AP3B1: variants seen among roughly 807,000 people sequenced by gnomAD.
The protein encoded by AP3B1 is adaptor related protein complex 3 subunit beta 1.
In AP3B1, 61 loss-of-function variants were observed where a neutral mutation model predicts 132.5. The ratio of observed to expected loss-of-function variants is 0.46; its 90% CI spans 0.37 to 0.57. AP3B1 has a LOEUF of 0.57. Ranked by LOEUF, AP3B1 falls within the 20% of genes least tolerant of loss-of-function variation. AP3B1 has a pLI of 0.00. For missense variants in AP3B1, 1,120 were observed against 1,289.4 expected, an observed-to-expected ratio of 0.87 and a Z score of 2.01; for synonymous variants, 388 against 438.3, an observed-to-expected ratio of 0.89 and a Z score of 1.43.
At chr5:78,185,595 C>T (rs1218092559) in intron 7 of AP3B1, among the ~76,000 whole-genome samples, 1 of 152,138 alleles carries the variant, frequency 6.6e-6, no homozygotes, top group Non-Finnish European at 1.5e-5. Flanking sequence ...GAGATATATT[C>T]GTGCTTTGGT....
intron 7 of AP3B1, among the ~76,000 whole-genome samples, chr5:78,187,503 A>T (rs1181040111): frequency 6.6e-6 from 1 of 152,198 alleles, no homozygotes; most frequent in Non-Finnish European, 1.5e-5. Context: ...TGTATTGCTT[A>T]TTTTGCTGTA....
chr5:78,085,757 TG>T (rs1215234648), intron 22 of AP3B1, among the ~76,000 whole-genome samples: 2 of 152,162 alleles, frequency 1.3e-5, no homozygotes, highest in South Asian at 2.1e-4. Flanking sequence ...CTGTTAACCA[TG>T]GTGAACGTGA....
intron 17 of AP3B1, among the ~76,000 whole-genome samples, chr5:78,125,678 A>G (rs1441701424): frequency 1.3e-5 from 2 of 152,210 alleles, no homozygotes; most frequent in Non-Finnish European, 2.9e-5. Flanking sequence ...TGGCATCAAC[A>G]GACAGTGACA....
chr5:78,022,983 C>G (rs1747169074), intron 24 of AP3B1, among the ~76,000 whole-genome samples: 1 of 152,176 alleles, frequency 6.6e-6, no homozygotes, highest in Non-Finnish European at 1.5e-5. Flanking sequence ...CCAGGTGTAT[C>G]TAACTTCAAA....
chr5:78,116,121 C>T lies in AP3B1; in HGVS notation c.2077+5G>A. On this transcript the variant is annotated splice_donor_5th_base_variant and intron_variant, in intron 18 of 26. Transcript: ENST00000255194. Reference sequence around the variant, plus strand: ...TAATATATGCCAATAAATTATAAAACCCACCACTGTCACTGCTACTATCAG... The same window carrying T: ...TAATATATGCCAATAAATTATAAAATCCACCACTGTCACTGCTACTATCAG... The T allele has an allele frequency of 1.9e-6, 3 of 1,598,264 alleles. No homozygotes were observed. Among genetic ancestry groups the T allele is most frequent in the Non-Finnish European group, 1.7e-6 (2 of 1,165,818 alleles).
At chr5:78,179,451 A>C (rs1012772280) in intron 8 of AP3B1, among the ~76,000 whole-genome samples, 2 of 152,198 alleles carry the variant, frequency 1.3e-5, no homozygotes, top group African/African-American at 2.4e-5. Flanking sequence ...CCAACAGTTG[A>C]AAGTCGCTTT....
intron 14 of AP3B1, among the ~76,000 whole-genome samples, chr5:78,142,971 T>C (rs1481960210): frequency 1.3e-5 from 2 of 152,270 alleles, no homozygotes; most frequent in African/African-American, 2.4e-5. Context: ...AGAATAGTAA[T>C]TGAGTGGTAC....
At chr5:78,097,060 T>G (rs1253048211) in intron 21 of AP3B1, among the ~76,000 whole-genome samples, 8 of 61,184 alleles carry the variant, frequency 1.3e-4, no homozygotes, top group Admixed American at 3.7e-4. Flanking sequence ...GGGAGGGAGG[T>G]TGGGGGGTCA....
chr5:78,117,030 T>C (rs10042222), intron 17 of AP3B1, among the ~76,000 whole-genome samples: 37,311 of 151,958 alleles, frequency 0.25, 5,266 homozygotes, highest in Middle Eastern at 0.33. Flanking sequence ...CCCCGTCGCC[T>C]GCCTCTCTCA....
chr5:78,204,690 C>G (rs932304879), intron 7 of AP3B1, among the ~76,000 whole-genome samples: 2 of 152,156 alleles, frequency 1.3e-5, no homozygotes, highest in African/African-American at 4.8e-5. Context: ...AGGCATGTCC[C>G]TTGCATTAGG....
intron 11 of AP3B1, among the ~76,000 whole-genome samples, chr5:78,172,657 A>G (rs978398309): frequency 1.3e-5 from 2 of 152,096 alleles, no homozygotes. Context: ...CAGTCTATCA[A>G]TTCTGTTGAT....
chr5:78,144,167 C>A (rs1027213397), intron 14 of AP3B1, among the ~76,000 whole-genome samples: 8 of 152,086 alleles, frequency 5.3e-5, no homozygotes, highest in Non-Finnish European at 1.5e-5. Flanking sequence ...ATAATACTTT[C>A]ATTATGAAGC....
At chr5:78,097,028 C>A (rs1227403300) in intron 21 of AP3B1, among the ~76,000 whole-genome samples, 1 of 123,284 alleles carries the variant, frequency 8.1e-6, no homozygotes, top group Non-Finnish European at 1.7e-5. Context: ...GTCAGCCCCC[C>A]GCCCGGCCAG....
At chr5:78,039,019 T>G (rs753619790) in intron 23 of AP3B1, 24 bp downstream of exon 23, 1 of 1,399,010 alleles carries the variant, frequency 7.1e-7, no homozygotes, top group South Asian at 1.2e-5. Flanking sequence ...ATAGTTAAGG[T>G]TTTAAATGAG....
At chr5:78,047,338 T>C (rs1294714762) in intron 22 of AP3B1, among the ~76,000 whole-genome samples, 1 of 152,216 alleles carries the variant, frequency 6.6e-6, no homozygotes, top group African/African-American at 2.4e-5. Context: ...AGTGTTCCTA[T>C]TTCTCCACAT....
chr5:78,082,712 A>G (rs2112185310), intron 22 of AP3B1, among the ~76,000 whole-genome samples: 1 of 152,340 alleles, frequency 6.6e-6, no homozygotes, highest in South Asian at 2.1e-4. Flanking sequence ...GTGGAACTCT[A>G]AAAGTGTATT....
intron 22 of AP3B1, among the ~76,000 whole-genome samples, chr5:78,064,401 C>G (rs1219054261): frequency 1.3e-5 from 2 of 152,114 alleles, no homozygotes; most frequent in East Asian, 3.9e-4. Context: ...GCTTGCCTAT[C>G]ATTTGTACTT....
At chr5:78,209,223 G>C (rs76722773) in intron 7 of AP3B1, among the ~76,000 whole-genome samples, 2 of 152,004 alleles carry the variant, frequency 1.3e-5, no homozygotes, top group Admixed American at 6.6e-5. Context: ...GGAAGGGTGG[G>C]TCAGACATGC....
At chr5:78,141,801 C>T (rs938237264) in intron 14 of AP3B1, among the ~76,000 whole-genome samples, 8 of 152,154 alleles carry the variant, frequency 5.3e-5, no homozygotes, top group Admixed American at 1.3e-4. Context: ...CAAAAATCAT[C>T]CAGGGTTCTT....
Sources: allele counts gnomAD v4.1 joint callset (sites outside exome capture counted in the v4.1 genomes callset), GRCh38; gene constraint gnomAD v4.1.1; transcripts MANE v1.5; gene names NCBI Gene and HGNC (gene_info 2026-07-23, HGNC 2026-07-21).